The following SGCZ variants were observed in gnomAD, a reference collection of about 807,000 sequenced individuals.
The protein encoded by SGCZ is zeta-sarcoglycan.
Under a neutral mutation model 41.3 loss-of-function variants are expected in SGCZ, and 40 were observed. The ratio of observed to expected loss-of-function variants is 0.97; its 90% CI spans 0.75 to 1.26. The LOEUF is 1.26. Ranked by LOEUF, SGCZ falls within the 50% of genes most tolerant of loss-of-function variation. The pLI is 0.00. For missense variants in SGCZ, 552 were observed against 369.8 expected, an observed-to-expected ratio of 1.49 and a Z score of -4.04; for synonymous variants, 206 against 137.5, an observed-to-expected ratio of 1.50 and a Z score of -3.49.
At chr8:15,132,514 G>A (rs1340082727) in intron 1 of SGCZ, among the ~76,000 whole-genome samples, 1 of 152,172 alleles carries the variant, frequency 6.6e-6, no homozygotes, top group Non-Finnish European at 1.5e-5. Context: ...TGAGAGGGAA[G>A]ACATATGAAA....
intron 1 of SGCZ, among the ~76,000 whole-genome samples, chr8:14,936,682 TA>T (rs1800095117): frequency 6.6e-6 from 1 of 151,944 alleles, no homozygotes. Flanking sequence ...AAACAGAGGC[TA>T]AATAAATTTC....
chr8:15,137,596 G>A (rs1420051957), intron 1 of SGCZ, among the ~76,000 whole-genome samples: 1 of 152,104 alleles, frequency 6.6e-6, no homozygotes, highest in Non-Finnish European at 1.5e-5. Context: ...CTCCAGACTT[G>A]GCTAAAAGGG....
At chr8:15,213,344 T>G (rs1801298724) in intron 1 of SGCZ, among the ~76,000 whole-genome samples, 2 of 151,978 alleles carry the variant, frequency 1.3e-5, no homozygotes, top group South Asian at 4.1e-4. Context: ...ACAAAAAATT[T>G]TTTTCCCTTT....
intron 2 of SGCZ, among the ~76,000 whole-genome samples, chr8:14,428,577 G>T (rs1333340848): frequency 6.6e-6 from 1 of 152,138 alleles, no homozygotes; most frequent in Non-Finnish European, 1.5e-5. Flanking sequence ...ATTTAAAATT[G>T]TTTCTACTGA....
At chr8:14,324,292 A>T (rs1802020462) in intron 2 of SGCZ, 88 bp from the exon 3 acceptor site, 1 of 880,820 alleles carries the variant, frequency 1.1e-6, no homozygotes, top group South Asian at 1.4e-5. Context: ...TTGAGAAAAC[A>T]GTGAGCTCAA....
chr8:14,840,745 G>T (rs1188966104), intron 1 of SGCZ, among the ~76,000 whole-genome samples: 1 of 151,964 alleles, frequency 6.6e-6, no homozygotes, highest in South Asian at 2.1e-4. Flanking sequence ...ACAGAACTTA[G>T]TTTTACCTAA....
At chr8:14,125,948 T>G (rs1036100850) in intron 5 of SGCZ, among the ~76,000 whole-genome samples, 8 of 152,180 alleles carry the variant, frequency 5.3e-5, no homozygotes, top group African/African-American at 1.9e-4. Context: ...AAAACTGGAT[T>G]TGTTCGTCAC....
chr8:15,081,456 G>A (rs112063622), intron 1 of SGCZ, among the ~76,000 whole-genome samples: 1 of 149,308 alleles, frequency 6.7e-6, no homozygotes, highest in African/African-American at 2.5e-5. Context: ...GATGACTAGT[G>A]GAGATGCACA....
At chr8:14,723,307 C>T (rs1809948850) in intron 1 of SGCZ, among the ~76,000 whole-genome samples, 1 of 152,134 alleles carries the variant, frequency 6.6e-6, no homozygotes. Context: ...GCCTGAACAC[C>T]AGGGCTTGTT....
chr8:14,456,777 T>C (rs1800757250), intron 2 of SGCZ, among the ~76,000 whole-genome samples: 1 of 152,182 alleles, frequency 6.6e-6, no homozygotes, highest in African/African-American at 2.4e-5. Flanking sequence ...AGGTAGGACC[T>C]GTTGGGAGGT....
chr8:14,630,790 G>C (rs542937610), intron 1 of SGCZ, among the ~76,000 whole-genome samples: 1 of 148,772 alleles, frequency 6.7e-6, no homozygotes, highest in African/African-American at 2.5e-5. Flanking sequence ...CAAACACCAC[G>C]TGTTCTCACT....
intron 3 of SGCZ, among the ~76,000 whole-genome samples, chr8:14,263,164 A>G (rs7813566): frequency 6.6e-6 from 1 of 152,092 alleles, no homozygotes; most frequent in African/African-American, 2.4e-5. Flanking sequence ...ATTCAAAACT[A>G]TTTTTCAACA....
intron 5 of SGCZ, among the ~76,000 whole-genome samples, chr8:14,117,447 C>T (rs1380157673): frequency 8.1e-5 from 10 of 123,822 alleles, no homozygotes; most frequent in Non-Finnish European, 1.0e-4. Flanking sequence ...TGTGTGAATG[C>T]AGAGTATAGC....
At chr8:15,236,495 C>T (rs1432944316) in intron 1 of SGCZ, among the ~76,000 whole-genome samples, 1 of 152,088 alleles carries the variant, frequency 6.6e-6, no homozygotes, top group Non-Finnish European at 1.5e-5. Flanking sequence ...ATCTGAACCT[C>T]TGAAATAGTA....
At chr8:15,021,149 G>T (rs1289706347) in intron 1 of SGCZ, among the ~76,000 whole-genome samples, 2 of 152,114 alleles carry the variant, frequency 1.3e-5, no homozygotes, top group Non-Finnish European at 2.9e-5. Flanking sequence ...TATCAAAAAT[G>T]GTATTAAGCT....
intron 2 of SGCZ, among the ~76,000 whole-genome samples, chr8:14,387,292 T>G (rs527887413): frequency 2.4e-4 from 36 of 152,202 alleles, no homozygotes; most frequent in Admixed American, 2.2e-3. Flanking sequence ...CCTCAAGAAA[T>G]CCTCCCATCC....
intron 1 of SGCZ, among the ~76,000 whole-genome samples, chr8:14,791,048 A>G (rs1013010342): frequency 7.2e-5 from 11 of 152,046 alleles, no homozygotes; most frequent in African/African-American, 2.7e-4. Flanking sequence ...AAAGAAAAAA[A>G]AAAGAAAAAT....
At chr8:15,235,990 G>A (rs969063642) in intron 1 of SGCZ, among the ~76,000 whole-genome samples, 21 of 152,220 alleles carry the variant, frequency 1.4e-4, no homozygotes, top group African/African-American at 4.1e-4. Context: ...TCGGAGTAGA[G>A]CAGAGAGATA....
chr8:14,307,677 A>G (rs1284751415), intron 3 of SGCZ, among the ~76,000 whole-genome samples: 1 of 152,184 alleles, frequency 6.6e-6, no homozygotes, highest in Non-Finnish European at 1.5e-5. Flanking sequence ...GATCTGTCCC[A>G]TGTTTTATTT....
Sources: allele counts gnomAD v4.1 joint callset (sites outside exome capture counted in the v4.1 genomes callset), GRCh38; gene constraint gnomAD v4.1.1; transcripts MANE v1.5; gene names NCBI Gene and HGNC (gene_info 2026-07-23, HGNC 2026-07-21).